ANK1: variants seen among roughly 807,000 people sequenced by gnomAD.
The protein encoded by ANK1 is ankyrin 1.
ANK1 carries 51 observed loss-of-function variants against 210.4 expected under a neutral mutation model. That is an observed-to-expected ratio of 0.24 (90% confidence interval 0.19 to 0.31). The LOEUF is 0.31. ANK1 is among the 10% of genes least tolerant of loss of function. The probability of loss-of-function intolerance (pLI) is 1.00; values close to 1 mark genes in which losing one functional copy is unlikely to be tolerated. For synonymous variants in ANK1, 967 were observed against 1,025.9 expected (o/e 0.94, Z 1.10); for missense variants, 2,051 against 2,504.4 (o/e 0.82, Z 3.86).
rs1423051260 is a variant in ANK1, at chr8:41,703,430, A to G, written c.2295+611T>C. Among the ~76,000 whole-genome samples the G allele has an allele frequency of 2.0e-3, 124 of 63,098 alleles. 1 individual carries two copies. Among genetic ancestry groups the G allele is most frequent in the African/African-American group, 6.9e-3 (110 of 15,838 alleles). 41.4% of individuals were successfully genotyped at this position (63,098 alleles called of 152,430 possible). A position where few individuals can be genotyped will look rare whatever the true frequency, so the allele number is the denominator to read the frequency against. On this transcript the variant is annotated intron_variant, in intron 20 of 42. Transcript: ENST00000289734. ...TGTGTGTGTGTGTGTGTGTATATAT[A>G]TATATATATATATATATATATTTTT...
intron 1 of ANK1, among the ~76,000 whole-genome samples, chr8:41,763,835 A>G (rs1841015986): frequency 6.6e-6 from 1 of 150,432 alleles, no homozygotes; most frequent in Non-Finnish European, 1.5e-5. Flanking sequence ...GTTAGCAGTG[A>G]AGTGCAATTG....
chr8:41,823,818 C>T (rs79592601), intron 1 of ANK1, among the ~76,000 whole-genome samples: 3,997 of 152,250 alleles, frequency 0.026, 162 homozygotes, highest in African/African-American at 0.087. Context: ...GTGAAGTCCA[C>T]TCTCTGCACC....
rs114832643 is a variant in ANK1 at position 41,750,515 on chromosome 8, T to G, written c.129+7521A>C. Among the ~76,000 whole-genome samples the G allele has an allele frequency of 3.7e-3, 558 of 152,252 alleles. 3 individuals carry two copies. The highest frequency in any genetic ancestry group is 0.013 in the African/African-American group (532 of 41,544). On this transcript the variant is annotated intron_variant, in intron 2 of 42. Transcript: ENST00000289734. ...GTCTAGTTCCTACGTGGACTAAGTA[T>G]AAAATATATAAGCTTTCACCATTCA... is the stretch of plus-strand genomic sequence containing the variant.
At chr8:41,819,733 A>T (rs1295460858) in intron 1 of ANK1, among the ~76,000 whole-genome samples, 1 of 152,230 alleles carries the variant, frequency 6.6e-6, no homozygotes, top group Non-Finnish European at 1.5e-5. Flanking sequence ...CTCCCAGCCT[A>T]CTTCACTGGC....
chr8:41,885,207 A>G (rs1275808907), intron 1 of ANK1, among the ~76,000 whole-genome samples: 7 of 152,172 alleles, frequency 4.6e-5, no homozygotes, highest in Non-Finnish European at 8.8e-5. Context: ...TTCCTGAGAA[A>G]TCTGGTGATG....
At chr8:41,814,040 T>G (rs1287223783) in intron 1 of ANK1, among the ~76,000 whole-genome samples, 1 of 152,218 alleles carries the variant, frequency 6.6e-6, no homozygotes, top group Non-Finnish European at 1.5e-5. Context: ...TTATTACACT[T>G]ATGCAAATAA....
Position 41,661,450 on chromosome 8 carries a change from G to T in ANK1, c.*16C>A. The T allele has an allele frequency of 6.2e-7, 1 of 1,614,106 alleles. No homozygotes were observed. The highest frequency in any genetic ancestry group is 1.1e-5 in the South Asian group (1 of 91,074). ...GTTACCTCCCGAGAGGCTACTCCAA[G>T]GAGAGCGGCTCGGGGTCACTGTTTC... On this transcript the variant is annotated 3_prime_UTR_variant, in exon 42 of 43. Coordinates refer to ENST00000289734, the MANE Select transcript of ANK1 (RefSeq NM_000037.4).
chr8:41,710,645 G>C (rs1001480288), intron 16 of ANK1, among the ~76,000 whole-genome samples: 1 of 152,228 alleles, frequency 6.6e-6, no homozygotes, highest in Admixed American at 6.5e-5. Flanking sequence ...CTGGACATGC[G>C]CCCACCCAGG....
At chr8:41,728,768 C>T (rs1016225249) in intron 3 of ANK1, among the ~76,000 whole-genome samples, 2 of 152,170 alleles carry the variant, frequency 1.3e-5, no homozygotes, top group Admixed American at 6.5e-5. Context: ...AAACACCCCC[C>T]GCCAACACAC....
rs1412474918 is a variant in ANK1 at position 41,655,375 on chromosome 8, G to A, written c.*415C>T. ...AGATGAGGTTGGGAAAAAGTACCCT[G>A]TACGAAGTCAAAACAATTTAAAAAA... On this transcript the variant is annotated 3_prime_UTR_variant, in exon 43 of 43. Coordinates refer to ENST00000289734, the MANE Select transcript of ANK1 (RefSeq NM_000037.4). 4.4e-6 allele frequency: 1 copy of A among 225,142 alleles called. No homozygotes were observed. Among genetic ancestry groups the A allele is most frequent in the African/African-American group, 2.4e-5 (1 of 42,078 alleles). 13.9% of individuals were successfully genotyped at this position (225,142 alleles called of 1,614,324 possible).
At chr8:41,887,242 C>CTTTTTTTTTTTTTTT (rs35112522) in intron 1 of ANK1, among the ~76,000 whole-genome samples, 2 of 80,714 alleles carry the variant, frequency 2.5e-5, no homozygotes, top group Non-Finnish European at 4.4e-5. Flanking sequence ...CTTTCCTTTC[C>CTTTTTTTTTTTTTTT]TTTTTTTTTT....
intron 1 of ANK1, among the ~76,000 whole-genome samples, chr8:41,763,406 AG>A (rs991541434): frequency 6.6e-6 from 1 of 152,168 alleles, no homozygotes; most frequent in African/African-American, 2.4e-5. Context: ...ACCTGTGGGT[AG>A]GTATAATTAT....
intron 37 of ANK1, among the ~76,000 whole-genome samples, chr8:41,681,916 G>C (rs1023865657): frequency 6.6e-6 from 1 of 152,220 alleles, no homozygotes; most frequent in Admixed American, 6.5e-5. Flanking sequence ...TGGGTCTACC[G>C]GGGACCTGCC....
intron 37 of ANK1, among the ~76,000 whole-genome samples, chr8:41,681,446 C>T (rs1483327296): frequency 6.6e-6 from 1 of 152,270 alleles, no homozygotes; most frequent in African/African-American, 2.4e-5. Flanking sequence ...AGCCCCTCTG[C>T]TCTGGCCAAT....
intron 1 of ANK1, among the ~76,000 whole-genome samples, chr8:41,766,179 G>A (rs535147074): frequency 1.6e-4 from 24 of 152,268 alleles, no homozygotes; most frequent in African/African-American, 5.3e-4. Context: ...TCCTTTCCTG[G>A]GGGACCTGCA....
chr8:41,772,266 C>A (rs570154548), intron 1 of ANK1, among the ~76,000 whole-genome samples: 1 of 152,206 alleles, frequency 6.6e-6, no homozygotes. Flanking sequence ...AGCTGTGCAG[C>A]TTTTGATAAA....
intron 2 of ANK1, among the ~76,000 whole-genome samples, chr8:41,753,689 T>G (rs1838349282): frequency 6.6e-6 from 1 of 152,022 alleles, no homozygotes; most frequent in Admixed American, 6.5e-5. Context: ...CATGCCCTCC[T>G]CCCGCCCTCC....
intron 33 of ANK1, 93 bp from the exon 34 acceptor site, chr8:41,688,682 G>A: frequency 3.7e-6 from 4 of 1,073,124 alleles, no homozygotes; most frequent in Non-Finnish European, 4.3e-6. Flanking sequence ...GGTGTGGAAG[G>A]CTGACCCCAG....
chr8:41,816,211 G>T (rs1334133171), intron 1 of ANK1, among the ~76,000 whole-genome samples: 1 of 152,154 alleles, frequency 6.6e-6, no homozygotes, highest in Non-Finnish European at 1.5e-5. Context: ...TGCATGTTAT[G>T]AGAGTCACAA....
Sources: allele counts gnomAD v4.1 joint callset (sites outside exome capture counted in the v4.1 genomes callset), GRCh38; gene constraint gnomAD v4.1.1; transcripts MANE v1.5; gene names NCBI Gene and HGNC (gene_info 2026-07-23, HGNC 2026-07-21).